NCKAP5: variants seen among roughly 807,000 people sequenced by gnomAD.
The protein encoded by NCKAP5 is NCK associated protein 5.
Under a neutral mutation model 167.0 loss-of-function variants are expected in NCKAP5, and 92 were observed. That is an observed-to-expected ratio of 0.55 (90% CI 0.47 to 0.66). The LOEUF (loss-of-function observed/expected upper bound fraction) is 0.66. Among genes scored for constraint, NCKAP5 ranks in the 30% least tolerant of loss-of-function variants. NCKAP5 has a pLI of 0.00. For missense variants in NCKAP5, 2,378 were observed against 2,315.0 expected, an observed-to-expected ratio of 1.03 and a Z score of -0.56; for synonymous variants, 891 against 877.4, an observed-to-expected ratio of 1.02 and a Z score of -0.27.
chr2:133,642,300 A>T, the NCKAP5 span, among the ~76,000 whole-genome samples: 1 of 152,182 alleles, frequency 6.6e-6, no homozygotes, highest in Admixed American at 6.5e-5. Context: ...AATACTGCAC[A>T]CTGGAGATCA....
At chr2:133,433,615 A>G (rs1574947942) in intron 3 of NCKAP5, 2 of 152,198 alleles carry the variant, frequency 1.3e-5, no homozygotes, top group African/African-American at 4.8e-5. Context: ...ACAGTCAGGG[A>G]CCAGCCTACA....
intron 10 of NCKAP5, among the ~76,000 whole-genome samples, chr2:132,861,808 G>T (rs1390785430): frequency 6.6e-6 from 1 of 152,140 alleles, no homozygotes; most frequent in African/African-American, 2.4e-5. Flanking sequence ...TTTATCGTTT[G>T]TGCTCTAGAC....
intron 3 of NCKAP5, among the ~76,000 whole-genome samples, chr2:133,418,777 T>C (rs922973911): frequency 2.6e-5 from 4 of 152,160 alleles, no homozygotes; most frequent in African/African-American, 4.8e-5. Flanking sequence ...GAAAACTCCA[T>C]TGCCGTTAGT....
At chr2:132,688,910 C>T (rs1686331739) in intron 19 of NCKAP5, among the ~76,000 whole-genome samples, 1 of 138,398 alleles carries the variant, frequency 7.2e-6, no homozygotes, top group African/African-American at 2.7e-5. Context: ...TGATCAAGCC[C>T]AGGAGATTGA....
At chr2:133,137,988 A>AT (rs912931825) in intron 5 of NCKAP5, among the ~76,000 whole-genome samples, 7 of 151,870 alleles carry the variant, frequency 4.6e-5, no homozygotes, top group African/African-American at 1.5e-4. Context: ...TAAACATTTG[A>AT]TTTTTTTTAG....
intron 3 of NCKAP5, among the ~76,000 whole-genome samples, chr2:133,342,140 C>T (rs1559399427): frequency 1.3e-5 from 2 of 152,072 alleles, no homozygotes; most frequent in Non-Finnish European, 2.9e-5. Context: ...GGGGTTTCAC[C>T]ATGTTAGCCA....
At chr2:133,514,368 T>G (rs1234654872) in intron 3 of NCKAP5, among the ~76,000 whole-genome samples, 1 of 152,128 alleles carries the variant, frequency 6.6e-6, no homozygotes, top group Non-Finnish European at 1.5e-5. Context: ...ACACATACAC[T>G]CAAACCCTCC....
intron 6 of NCKAP5, among the ~76,000 whole-genome samples, chr2:133,085,672 G>C (rs574435091): frequency 1.3e-5 from 2 of 152,130 alleles, no homozygotes; most frequent in African/African-American, 2.4e-5. Flanking sequence ...GTGGCAGTTA[G>C]AGCATGTGTT....
intron 5 of NCKAP5, among the ~76,000 whole-genome samples, chr2:133,180,758 G>C (rs1271063536): frequency 6.6e-6 from 1 of 152,042 alleles, no homozygotes; most frequent in Non-Finnish European, 1.5e-5. Flanking sequence ...AGAAAATATA[G>C]GGGAAAAGTT....
At chr2:132,777,967 T>C (rs896449965) in intron 15 of NCKAP5, among the ~76,000 whole-genome samples, 2 of 152,100 alleles carry the variant, frequency 1.3e-5, no homozygotes, top group African/African-American at 4.8e-5. Flanking sequence ...TATGATCTCA[T>C]TAATTTTGTT....
At chr2:132,981,358 A>G (rs998308089) in intron 7 of NCKAP5, among the ~76,000 whole-genome samples, 2 of 152,174 alleles carry the variant, frequency 1.3e-5, no homozygotes, top group Admixed American at 1.3e-4. Context: ...CAGGCCCTCA[A>G]CATTGACTTA....
At chr2:133,083,536 G>T (rs1327613033) in intron 6 of NCKAP5, among the ~76,000 whole-genome samples, 2 of 152,140 alleles carry the variant, frequency 1.3e-5, no homozygotes, top group Non-Finnish European at 2.9e-5. Context: ...CAAGAACTAG[G>T]ATTGATTCCA....
At chr2:133,302,829 C>T (rs1680491747) in intron 4 of NCKAP5, among the ~76,000 whole-genome samples, 1 of 150,910 alleles carries the variant, frequency 6.6e-6, no homozygotes, top group Non-Finnish European at 1.5e-5. Flanking sequence ...ATAAATAAAT[C>T]TTGAAGCAAG....
chr2:133,268,016 T>C (rs1348953775), intron 4 of NCKAP5, among the ~76,000 whole-genome samples: 1 of 152,242 alleles, frequency 6.6e-6, no homozygotes, highest in African/African-American at 2.4e-5. Flanking sequence ...TCCAATTACC[T>C]TGAATGACAG....
At chr2:132,975,931 C>T (rs1017224328) in intron 7 of NCKAP5, among the ~76,000 whole-genome samples, 1 of 152,106 alleles carries the variant, frequency 6.6e-6, no homozygotes, top group Non-Finnish European at 1.5e-5. Context: ...ACTGACAACC[C>T]CGTCACTGAG....
At chr2:133,226,316 G>C (rs998109171) in intron 4 of NCKAP5, among the ~76,000 whole-genome samples, 28 of 152,100 alleles carry the variant, frequency 1.8e-4, no homozygotes, top group African/African-American at 5.8e-4. Context: ...TACTAAGTTG[G>C]AGGGGCTTTG....
the NCKAP5 span, among the ~76,000 whole-genome samples, chr2:133,591,441 AAC>A: frequency 6.6e-6 from 1 of 152,212 alleles, no homozygotes; most frequent in African/African-American, 2.4e-5. Flanking sequence ...CTGCATTGGA[AAC>A]ACAGACCCAC....
At chr2:132,925,391 A>G (rs1695784744) in intron 8 of NCKAP5, among the ~76,000 whole-genome samples, 1 of 149,262 alleles carries the variant, frequency 6.7e-6, no homozygotes, top group African/African-American at 2.5e-5. Flanking sequence ...CATCTCTACT[A>G]AAAGTACAAA....
chr2:132,828,730 G>A (rs947929468), intron 11 of NCKAP5, among the ~76,000 whole-genome samples: 3 of 152,208 alleles, frequency 2.0e-5, no homozygotes, highest in Non-Finnish European at 2.9e-5. Flanking sequence ...TTCAGAGTGC[G>A]TGTGCTTGGT....
Sources: gnomAD v4.1 joint callset for allele counts (sites outside exome capture counted in the v4.1 genomes callset) on GRCh38, gnomAD v4.1.1 for gene constraint, MANE v1.5 for transcripts, NCBI Gene and HGNC (gene_info 2026-07-23, HGNC 2026-07-21) for gene names.